Variants in PARP8 observed in about 807,000 individuals in gnomAD.
The protein encoded by PARP8 is poly(ADP-ribose) polymerase family member 8.
PARP8 carries 51 observed loss-of-function variants against 124.1 expected under a neutral mutation model. That is an observed-to-expected ratio of 0.41 (90% confidence interval 0.33 to 0.52). The LOEUF is 0.52. Ranked by LOEUF, PARP8 falls within the 20% of genes least tolerant of loss-of-function variation. The pLI is 0.21. For missense variants in PARP8, 860 were observed against 1,018.9 expected (o/e 0.84, Z 2.12); for synonymous variants, 391 against 361.5 (o/e 1.08, Z -0.93).
intron 22 of PARP8, 73 bp downstream of exon 22, chr5:50,830,034 C>T: frequency 2.0e-6 from 3 of 1,502,994 alleles, no homozygotes; most frequent in Non-Finnish European, 2.7e-6. Context: ...ACTCTATTCA[C>T]AGCTTTCTAT....
chr5:50,721,770 G>T (rs1002390925), intron 2 of PARP8, among the ~76,000 whole-genome samples: 5 of 152,028 alleles, frequency 3.3e-5, no homozygotes, highest in Admixed American at 2.6e-4. Context: ...TAATAAAAGA[G>T]CTTTCTCATT....
At chr5:50,745,493 T>C (rs10059085) in intron 2 of PARP8, among the ~76,000 whole-genome samples, 1 of 152,160 alleles carries the variant, frequency 6.6e-6, no homozygotes, top group Non-Finnish European at 1.5e-5. Context: ...TTTTACTAAA[T>C]AGAGATTGAG....
intron 2 of PARP8, among the ~76,000 whole-genome samples, chr5:50,689,062 T>C (rs1579962275): frequency 6.8e-6 from 1 of 147,008 alleles, no homozygotes; most frequent in South Asian, 2.2e-4. Context: ...GTGAGTTATT[T>C]AGGGCATGCT....
rs34347134 is a variant in PARP8, at chr5:50,819,427, C to CTTTTTTTTTTTTT, written c.1669-1768_1669-1756dup. On this transcript the variant is annotated intron_variant, in intron 15 of 25. Transcript: ENST00000281631. ...GTCTCAGAAAAGGCTATTTTATCTT[C>CTTTTTTTTTTTTT]TTTTTTTTTTTTTTTTTTTTTTTTT... Among the ~76,000 whole-genome samples, 38 of 46,660 alleles carry CTTTTTTTTTTTTT rather than the reference C, an allele frequency of 8.1e-4. 2 individuals are homozygous for CTTTTTTTTTTTTT. The highest frequency in any genetic ancestry group is 9.4e-4 in the African/African-American group (10 of 10,586). The allele number at this position is 46,660 out of a possible 152,430, so 30.6% of individuals were successfully genotyped here. A position where few individuals can be genotyped will look rare whatever the true frequency, so the allele number is the denominator to read the frequency against.
chr5:50,757,711 G>A (rs995138024), intron 3 of PARP8, among the ~76,000 whole-genome samples: 4 of 151,970 alleles, frequency 2.6e-5, no homozygotes, highest in East Asian at 3.9e-4. Flanking sequence ...TTCCAGTGTT[G>A]ACACTTTATG....
intron 2 of PARP8, chr5:50,668,386 A>G (rs1749613356): frequency 2.2e-6 from 1 of 461,168 alleles, no homozygotes; most frequent in Non-Finnish European, 4.0e-6. Context: ...CTACAGTACT[A>G]GATTGCTCTC....
At chr5:50,758,072 T>TA (rs1040763460) in intron 3 of PARP8, among the ~76,000 whole-genome samples, 18 of 152,182 alleles carry the variant, frequency 1.2e-4, no homozygotes, top group African/African-American at 3.9e-4. Flanking sequence ...TAAGACATAA[T>TA]AAAAAAACAT....
intron 14 of PARP8, among the ~76,000 whole-genome samples, chr5:50,814,214 A>G (rs1269655967): frequency 6.6e-6 from 1 of 152,174 alleles, no homozygotes; most frequent in African/African-American, 2.4e-5. Flanking sequence ...TCTAAGCCCC[A>G]GAAAATGAAC....
At chr5:50,763,413 T>G (rs1293294427) in intron 7 of PARP8, among the ~76,000 whole-genome samples, 171 bp downstream of exon 7, 1 of 152,252 alleles carries the variant, frequency 6.6e-6, no homozygotes, top group African/African-American at 2.4e-5. Flanking sequence ...GCTATTTTTT[T>G]GATACATGTG....
At chr5:50,724,088 T>C (rs930055915) in intron 2 of PARP8, among the ~76,000 whole-genome samples, 4 of 152,048 alleles carry the variant, frequency 2.6e-5, no homozygotes, top group African/African-American at 7.2e-5. Context: ...TCCTGAGTAG[T>C]TGGGACTATA....
intron 2 of PARP8, among the ~76,000 whole-genome samples, chr5:50,699,385 A>ATT (rs1481244388): frequency 1.3e-5 from 2 of 152,212 alleles, no homozygotes; most frequent in African/African-American, 2.4e-5. Flanking sequence ...TAATTGCAAT[A>ATT]CCAGAAGTTA....
At chr5:50,687,567 A>G (rs1752007696) in intron 2 of PARP8, among the ~76,000 whole-genome samples, 1 of 152,254 alleles carries the variant, frequency 6.6e-6, no homozygotes, top group South Asian at 2.1e-4. Flanking sequence ...GTCTGTTTTC[A>G]CACTGTTGAT....
Position 50,778,921 on chromosome 5 carries a change from A to G in PARP8, c.670+271A>G, listed in dbSNP as rs541306502. Among the ~76,000 whole-genome samples, 69 of 152,336 alleles carry G rather than the reference A, an allele frequency of 4.5e-4. 1 individual carries two copies. The South Asian group carries it at 8.9e-3, about 20-fold the overall frequency. Reference sequence around the variant, plus strand: ...AAACCCAAAAGAGTACTTTGCATGTAGTAGAAACTCAGTAAATATATATAT... The same window carrying G: ...AAACCCAAAAGAGTACTTTGCATGTGGTAGAAACTCAGTAAATATATATAT... On this transcript the variant is annotated intron_variant, in intron 9 of 25. Transcript: ENST00000281631.
At chr5:50,743,431 C>T (rs1758249721) in intron 2 of PARP8, among the ~76,000 whole-genome samples, 1 of 151,774 alleles carries the variant, frequency 6.6e-6, no homozygotes, top group Admixed American at 6.6e-5. Context: ...TCTAGTATGC[C>T]CCAAATTACC....
rs200578033 is a variant in PARP8 at position 50,734,192 on chromosome 5, ATCT to A, written c.147-15954_147-15952del. Among the ~76,000 whole-genome samples, 106 of 152,120 alleles carry A rather than the reference ATCT, an allele frequency of 7.0e-4. 3 individuals carry two copies. In the East Asian group the frequency reaches 0.02, roughly 28 times the overall value. ...TATTTCAGATCCCATTTGGATGTTT[ATCT>A]TCTTGTCAGTTGGTATATGTGAAAT... On this transcript the variant is annotated intron_variant, in intron 2 of 25. Transcript: ENST00000281631.
intron 2 of PARP8, among the ~76,000 whole-genome samples, chr5:50,675,945 G>A (rs2149438405): frequency 6.6e-6 from 1 of 152,258 alleles, no homozygotes; most frequent in South Asian, 2.1e-4. Flanking sequence ...TTTCTTAAAT[G>A]ACTAGTAATA....
At chr5:50,746,661 G>T (rs1758575019) in intron 2 of PARP8, among the ~76,000 whole-genome samples, 1 of 152,070 alleles carries the variant, frequency 6.6e-6, no homozygotes, top group Admixed American at 6.5e-5. Context: ...TGTTACCTCT[G>T]ATATATATAT....
At chr5:50,742,435 A>G (rs1758144656) in intron 2 of PARP8, among the ~76,000 whole-genome samples, 1 of 152,180 alleles carries the variant, frequency 6.6e-6, no homozygotes, top group Admixed American at 6.5e-5. Flanking sequence ...CTTAGATTAC[A>G]AGGACAGATA....
At chr5:50,807,623 C>G (rs1743998842) in intron 14 of PARP8, among the ~76,000 whole-genome samples, 2 of 152,076 alleles carry the variant, frequency 1.3e-5, no homozygotes, top group South Asian at 4.1e-4. Context: ...TCCTAATGCC[C>G]TTTTCTGTTA....
Sources: allele counts gnomAD v4.1 joint callset (sites outside exome capture counted in the v4.1 genomes callset), GRCh38; gene constraint gnomAD v4.1.1; transcripts MANE v1.5; gene names NCBI Gene and HGNC (gene_info 2026-07-23, HGNC 2026-07-21).